The following ADK variants were observed in gnomAD, a reference collection of about 807,000 sequenced individuals.
ADK encodes adenosine kinase.
A neutral mutation model predicts 44.7 loss-of-function variants in ADK; 24 were observed. That is an observed-to-expected ratio of 0.54 (90% CI 0.39 to 0.76). The LOEUF is 0.76. ADK is among the 30% of genes least tolerant of loss of function. The pLI, the probability that ADK is intolerant of heterozygous loss-of-function variation, is 0.00. For synonymous variants in ADK, 128 were observed against 142.6 expected, an observed-to-expected ratio of 0.90 and a Z score of 0.73; for missense variants, 321 against 425.1, an observed-to-expected ratio of 0.76 and a Z score of 2.15.
At chr10:74,625,460 T>C (rs1853157401) in intron 9 of ADK, among the ~76,000 whole-genome samples, 1 of 152,140 alleles carries the variant, frequency 6.6e-6, no homozygotes, top group Admixed American at 6.5e-5. Flanking sequence ...AGTATATATA[T>C]ATATAGAGAA....
intron 3 of ADK, among the ~76,000 whole-genome samples, chr10:74,303,585 G>C (rs201252216): frequency 1.5e-5 from 1 of 64,676 alleles, no homozygotes; most frequent in African/African-American, 1.0e-4. Context: ...TGGTTTTAAT[G>C]TTGTTTTTTT....
chr10:74,200,156 G>GTTTTTTTTTTT (rs760622376), intron 1 of ADK, among the ~76,000 whole-genome samples: 45 of 99,266 alleles, frequency 4.5e-4, no homozygotes, highest in African/African-American at 7.1e-4. Context: ...GACACCATCT[G>GTTTTTTTTTTT]TTTTTTTTTT....
intron 2 of ADK, among the ~76,000 whole-genome samples, chr10:74,219,442 C>G (rs201863749): frequency 1.2e-4 from 18 of 151,532 alleles, no homozygotes; most frequent in Non-Finnish European, 2.2e-4. Flanking sequence ...ACCCCACTAT[C>G]AACATTAGAC....
intron 3 of ADK, among the ~76,000 whole-genome samples, chr10:74,254,689 G>A (rs1845761619): frequency 6.6e-6 from 1 of 151,852 alleles, no homozygotes; most frequent in Non-Finnish European, 1.5e-5. Flanking sequence ...AAAAAAAATT[G>A]TTACAAGTTT....
chr10:74,468,536 T>G (rs1322400994), intron 6 of ADK, among the ~76,000 whole-genome samples: 2 of 152,184 alleles, frequency 1.3e-5, no homozygotes, highest in African/African-American at 4.8e-5. Context: ...CAGTATGATG[T>G]GCTGGATAGA....
At chr10:74,637,403 G>C (rs889462934) in intron 9 of ADK, among the ~76,000 whole-genome samples, 1 of 152,112 alleles carries the variant, frequency 6.6e-6, no homozygotes, top group African/African-American at 2.4e-5. Flanking sequence ...CTTACCTGAA[G>C]AAAAAACAGA....
At chr10:74,258,144 A>G (rs1162200569) in intron 3 of ADK, among the ~76,000 whole-genome samples, 1 of 152,144 alleles carries the variant, frequency 6.6e-6, no homozygotes, top group Admixed American at 6.5e-5. Flanking sequence ...TATGAGAAAT[A>G]TTTAAGTATT....
intron 6 of ADK, among the ~76,000 whole-genome samples, chr10:74,481,919 A>G (rs2133355009): frequency 6.6e-6 from 1 of 152,186 alleles, no homozygotes; most frequent in Non-Finnish European, 1.5e-5. Context: ...ATTGTTTCCT[A>G]CCACTATTCC....
chr10:74,568,313 T>G (rs987890894), intron 7 of ADK, among the ~76,000 whole-genome samples: 3 of 152,178 alleles, frequency 2.0e-5, no homozygotes, highest in Non-Finnish European at 2.9e-5. Context: ...CCCTTAATTT[T>G]TTTTTCATTG....
intron 6 of ADK, among the ~76,000 whole-genome samples, chr10:74,433,774 G>A (rs1845083404): frequency 6.6e-6 from 1 of 151,990 alleles, no homozygotes. Context: ...TCATATGAGA[G>A]TAACAGTGTT....
intron 4 of ADK, among the ~76,000 whole-genome samples, chr10:74,340,647 AATAAC>A (rs1283666797): frequency 6.6e-6 from 1 of 152,200 alleles, no homozygotes; most frequent in African/African-American, 2.4e-5. Context: ...AGAGTCAAGA[AATAAC>A]ATAAATAGAA....
chr10:74,527,689 T>C (rs1431167307), intron 7 of ADK: 27 of 1,191,382 alleles, frequency 2.3e-5, no homozygotes, highest in Non-Finnish European at 3.3e-5. Flanking sequence ...CAAAAATGCC[T>C]CTCTTATTTC....
chr10:74,297,725 C>T (rs1255515271), intron 3 of ADK, among the ~76,000 whole-genome samples: 2 of 152,146 alleles, frequency 1.3e-5, no homozygotes, highest in African/African-American at 4.8e-5. Flanking sequence ...TATTTTATGA[C>T]ACATGAATGT....
intron 3 of ADK, among the ~76,000 whole-genome samples, chr10:74,303,588 G>GTTGTTTTTTTTTTTTTTTTTTTTTTTTTT (rs1840139803): frequency 2.9e-5 from 2 of 68,576 alleles, no homozygotes; most frequent in African/African-American, 1.6e-4. Flanking sequence ...TTTTAATGTT[G>GTTGTTTTTTTTTTTTTTTTTTTTTTTTTT]TTTTTTTTTT....
At chr10:74,413,480 A>G (rs1332972568) in intron 6 of ADK, among the ~76,000 whole-genome samples, 1 of 152,148 alleles carries the variant, frequency 6.6e-6, no homozygotes, top group Non-Finnish European at 1.5e-5. Flanking sequence ...CAACCTCACA[A>G]ATTAGCCTCT....
intron 9 of ADK, among the ~76,000 whole-genome samples, chr10:74,624,147 G>A (rs1853096618): frequency 6.6e-6 from 1 of 151,692 alleles, no homozygotes; most frequent in African/African-American, 2.4e-5. Flanking sequence ...GTTAACTATT[G>A]CCTTATTTCT....
At chr10:74,394,432 G>A (rs894592030) in intron 5 of ADK, 119 bp downstream of exon 5, 4 of 977,486 alleles carry the variant, frequency 4.1e-6, no homozygotes, top group African/African-American at 3.2e-5. Context: ...TTTGATAAAT[G>A]CTTATTCCTT....
chr10:74,384,033 ATCT>A (rs1210532014), intron 4 of ADK, among the ~76,000 whole-genome samples: 1 of 152,152 alleles, frequency 6.6e-6, no homozygotes, highest in African/African-American at 2.4e-5. Flanking sequence ...ATCTTAGGAA[ATCT>A]TCTTTGGCCA....
In ADK at chr10:74,674,586, G is replaced by GT. The variant is rs1458941122; in HGVS notation, c.964+4318dup. On this transcript the variant is annotated intron_variant, in intron 10 of 10. Coordinates refer to ENST00000539909, the MANE Select transcript of ADK (RefSeq NM_006721.4). ...AACAAAATGGATCAAAGACTTAAAT[G>GT]TAAGTACTAAATCAGCCAGGTGTGG... 1.3e-5 allele frequency among the ~76,000 whole-genome samples: 2 copies of GT among 151,922 alleles called. 1 individual carries two copies. The highest frequency in any genetic ancestry group is 1.3e-4 in the Admixed American group (2 of 15,222).
Sources: gnomAD v4.1 joint callset for allele counts (sites outside exome capture counted in the v4.1 genomes callset) on GRCh38, gnomAD v4.1.1 for gene constraint, MANE v1.5 for transcripts, NCBI Gene and HGNC (gene_info 2026-07-23, HGNC 2026-07-21) for gene names.